The following SH3RF3 variants were observed in gnomAD, a reference collection of about 807,000 sequenced individuals.
The protein encoded by SH3RF3 is E3 ubiquitin-protein ligase SH3RF3.
SH3RF3 carries 29 observed loss-of-function variants against 66.3 expected under a neutral mutation model. That is an observed-to-expected ratio of 0.44 (90% CI 0.33 to 0.60). The LOEUF (loss-of-function observed/expected upper bound fraction) is 0.60. Ranked by LOEUF, SH3RF3 falls within the 20% of genes least tolerant of loss-of-function variation. The probability of loss-of-function intolerance (pLI) is 0.04; values close to 1 mark genes in which losing one functional copy is unlikely to be tolerated. For missense variants in SH3RF3, 1,194 were observed against 1,190.9 expected (o/e 1.00, Z -0.04); for synonymous variants, 583 against 532.0 (o/e 1.10, Z -1.32).
At chr2:109,133,919 G>A (rs4676065) in intron 1 of SH3RF3, among the ~76,000 whole-genome samples, 62,538 of 151,976 alleles carry the variant, frequency 0.41, 14,666 homozygotes, top group Non-Finnish European at 0.54. Context: ...TGGTGGGTGT[G>A]GGTGACTTTG....
At chr2:109,197,471 C>T (rs2105048152) in intron 1 of SH3RF3, among the ~76,000 whole-genome samples, 1 of 152,304 alleles carries the variant, frequency 6.6e-6, no homozygotes, top group Non-Finnish European at 1.5e-5. Context: ...AGGCTCTCCC[C>T]AACCCCAGCA....
At chr2:109,492,962 C>T (rs1679167126) in intron 9 of SH3RF3, among the ~76,000 whole-genome samples, 1 of 151,958 alleles carries the variant, frequency 6.6e-6, no homozygotes, top group African/African-American at 2.4e-5. Flanking sequence ...GGGCCCCAGG[C>T]CCTTGGGGGA....
chr2:109,185,044 G>C (rs1255257900), intron 1 of SH3RF3, among the ~76,000 whole-genome samples: 1 of 152,172 alleles, frequency 6.6e-6, no homozygotes, highest in Non-Finnish European at 1.5e-5. Flanking sequence ...CTTATTATCT[G>C]TTTGTGTATT....
intron 1 of SH3RF3, among the ~76,000 whole-genome samples, chr2:109,347,175 A>C (rs1682729517): frequency 1.3e-5 from 2 of 152,342 alleles, no homozygotes; most frequent in East Asian, 1.9e-4. Flanking sequence ...TACTTGCTAG[A>C]AGTCTGGCAG....
At chr2:109,377,584 T>A (rs932710402) in intron 3 of SH3RF3, among the ~76,000 whole-genome samples, 9 of 152,228 alleles carry the variant, frequency 5.9e-5, no homozygotes, top group Admixed American at 5.2e-4. Flanking sequence ...GATGGAATGC[T>A]GTTTATAGAT....
rs1055325970 is a variant in SH3RF3 at position 109,461,967 on chromosome 2, C to T, written c.2148+12478C>T. Among the ~76,000 whole-genome samples the T allele has an allele frequency of 3.9e-5, 6 of 152,196 alleles. No individual in the cohort carries two copies. In the East Asian group the frequency reaches 5.8e-4, roughly 15 times the overall value. ...AACTCTGGCTATAGGAGGGGCTAGACGTAACCACTTTTTCTCCACCTTACG... is the reference window on the plus strand; with the variant it reads ...AACTCTGGCTATAGGAGGGGCTAGATGTAACCACTTTTTCTCCACCTTACG... On this transcript the variant is annotated intron_variant, in intron 8 of 9. Transcript: ENST00000309415.
intron 2 of SH3RF3, among the ~76,000 whole-genome samples, chr2:109,361,506 C>T (rs1683050516): frequency 6.6e-6 from 1 of 152,302 alleles, no homozygotes; most frequent in Admixed American, 6.5e-5. Context: ...TGGAGTCTCG[C>T]TCTGTCACCC....
At chr2:109,184,859 A>G (rs1329557672) in intron 1 of SH3RF3, among the ~76,000 whole-genome samples, 1 of 152,258 alleles carries the variant, frequency 6.6e-6, no homozygotes, top group Admixed American at 6.5e-5. Flanking sequence ...GAGCAAAGAC[A>G]GTTTGTCATT....
At chr2:109,390,145 G>A (rs1675945436) in intron 3 of SH3RF3, among the ~76,000 whole-genome samples, 1 of 152,222 alleles carries the variant, frequency 6.6e-6, no homozygotes, top group African/African-American at 2.4e-5. Flanking sequence ...CCAAGGGTCT[G>A]AGGTCTCTTC....
chr2:109,197,863 C>G (rs1222979880), intron 1 of SH3RF3, among the ~76,000 whole-genome samples: 1 of 152,240 alleles, frequency 6.6e-6, no homozygotes, highest in Non-Finnish European at 1.5e-5. Flanking sequence ...CTTACTTTTG[C>G]TTTTTGCACA....
intron 1 of SH3RF3, among the ~76,000 whole-genome samples, chr2:109,257,254 C>T (rs2105278363): frequency 6.6e-6 from 1 of 152,096 alleles, no homozygotes. Context: ...GTTGTTCGTT[C>T]TGTGGCCAGG....
intron 4 of SH3RF3, among the ~76,000 whole-genome samples, chr2:109,408,174 A>T (rs894734378): frequency 5.3e-5 from 8 of 152,228 alleles, no homozygotes; most frequent in Non-Finnish European, 1.2e-4. Context: ...TTGTTCATGA[A>T]TGCCCACCGG....
rs79402829 is a variant in SH3RF3 at position 109,407,338 on chromosome 2, G to T, written c.1299+8395G>T. On this transcript the variant is annotated intron_variant, in intron 4 of 9. Transcript: ENST00000309415. Reference sequence around the variant, plus strand: ...AACATCAAAAGACAGCATTTCTCAAGTCTCTTCGTGTCTGAGAAGTAAATG... The same window carrying T: ...AACATCAAAAGACAGCATTTCTCAATTCTCTTCGTGTCTGAGAAGTAAATG... Among the ~76,000 whole-genome samples the T allele has an allele frequency of 7.3e-4, 111 of 152,346 alleles. No homozygotes were observed. The East Asian group carries it at 0.019, about 26-fold the overall frequency.
intron 9 of SH3RF3, among the ~76,000 whole-genome samples, chr2:109,499,273 A>G (rs115795462): frequency 8.8e-4 from 133 of 151,942 alleles, no homozygotes; most frequent in Middle Eastern, 3.4e-3. Flanking sequence ...CTGGTTATTG[A>G]GTGCCTTCGC....
chr2:109,130,123 T>G lies in SH3RF3; in HGVS notation c.573+10T>G. The G allele has an allele frequency of 7.7e-7, 1 of 1,291,886 alleles. No homozygotes were observed. The highest frequency in any genetic ancestry group is 9.8e-7 in the Non-Finnish European group (1 of 1,022,566). The allele number at this position is 1,291,886 out of a possible 1,614,324, so 80.0% of individuals were successfully genotyped here. A position where few individuals can be genotyped will look rare whatever the true frequency, so the allele number is the denominator to read the frequency against. ...CGCGCCGGCGGCAAAGGTGAGTATC[T>G]GTCTCGGCGGAAGTGGCCACGGCAC... On this transcript the variant is annotated intron_variant, in intron 1 of 9. Transcript: ENST00000309415.
At chr2:109,264,330 C>G (rs1044493953) in intron 1 of SH3RF3, among the ~76,000 whole-genome samples, 7 of 150,200 alleles carry the variant, frequency 4.7e-5, no homozygotes, top group African/African-American at 1.5e-4. Flanking sequence ...GCTCCCCGTT[C>G]ACCTCCCCAG....
chr2:109,283,247 G>A (rs1680938623), intron 1 of SH3RF3, among the ~76,000 whole-genome samples: 1 of 152,196 alleles, frequency 6.6e-6, no homozygotes, highest in Non-Finnish European at 1.5e-5. Flanking sequence ...CTGGGTGCTT[G>A]GGCCATGGCC....
At chr2:109,341,295 T>G (rs1208691537) in intron 1 of SH3RF3, among the ~76,000 whole-genome samples, 1 of 152,220 alleles carries the variant, frequency 6.6e-6, no homozygotes, top group Non-Finnish European at 1.5e-5. Context: ...AACAAACTTC[T>G]TCATCGCGGA....
chr2:109,162,571 G>T lies in SH3RF3; in HGVS notation c.573+32458G>T, dbSNP rs564733911. Among the ~76,000 whole-genome samples, 17 of 152,200 alleles carry T rather than the reference G, an allele frequency of 1.1e-4. No homozygotes were observed. The East Asian group carries it at 1.7e-3, about 16-fold the overall frequency. ...GGACATGAACTCATCATTTTTTATG[G>T]CTGCATAGTATTCCATGGTGTATAT... On this transcript the variant is annotated intron_variant, in intron 1 of 9. Coordinates refer to ENST00000309415, the MANE Select transcript of SH3RF3 (RefSeq NM_001099289.3).
Sources: gnomAD v4.1 joint callset for allele counts (sites outside exome capture counted in the v4.1 genomes callset) on GRCh38, gnomAD v4.1.1 for gene constraint, MANE v1.5 for transcripts, NCBI Gene and HGNC (gene_info 2026-07-23, HGNC 2026-07-21) for gene names.